IMPG1: variants seen among roughly 807,000 people sequenced by gnomAD.
IMPG1 encodes interphotoreceptor matrix proteoglycan of 150 kDa.
Under a neutral mutation model 92.0 loss-of-function variants are expected in IMPG1, and 85 were observed. The ratio of observed to expected loss-of-function variants is 0.92; its 90% CI spans 0.78 to 1.11. IMPG1 has a LOEUF of 1.11. IMPG1 is among the 50% of genes least tolerant of loss of function. The pLI, the probability that IMPG1 is intolerant of heterozygous loss-of-function variation, is 0.00. For synonymous variants in IMPG1, 367 were observed against 334.1 expected, an observed-to-expected ratio of 1.10 and a Z score of -1.08; for missense variants, 1,022 against 956.0, an observed-to-expected ratio of 1.07 and a Z score of -0.91.
At chr6:76,015,844 CATGCCCATTTGATG>C (rs1783277870) in intron 7 of IMPG1, among the ~76,000 whole-genome samples, 1 of 137,058 alleles carries the variant, frequency 7.3e-6, no homozygotes, top group Non-Finnish European at 1.6e-5. Context: ...AGACAAAAGA[CATGCCCATTTGATG>C]ATGATACAAT....
chr6:76,058,712 C>T (rs1038863967), intron 1 of IMPG1, among the ~76,000 whole-genome samples: 3 of 152,032 alleles, frequency 2.0e-5, no homozygotes, highest in Non-Finnish European at 4.4e-5. Context: ...GGCTAGGGGA[C>T]TAGTTTAGGG....
intron 16 of IMPG1, among the ~76,000 whole-genome samples, chr6:75,922,755 A>G (rs1286444837): frequency 6.6e-6 from 1 of 152,038 alleles, no homozygotes; most frequent in South Asian, 2.1e-4. Flanking sequence ...CTGTTTTTCC[A>G]ATTTTCTTTG....
At chr6:75,943,662 G>T (rs770133387) in intron 14 of IMPG1, among the ~76,000 whole-genome samples, 1 of 152,208 alleles carries the variant, frequency 6.6e-6, no homozygotes, top group South Asian at 2.1e-4. Context: ...CCCAGCCCTG[G>T]ACCTTAGTGG....
rs1185601252 is a variant in IMPG1 at position 76,018,813 on chromosome 6, G to A, written c.712C>T (p.Leu238Phe). 13 of 1,611,824 alleles carry A rather than the reference G, an allele frequency of 8.1e-6. No homozygotes were observed. The highest frequency in any genetic ancestry group is 3.3e-4 in the Middle Eastern group (2 of 6,078). ...FAVLEEQRVE[L>F]SVSLVNQKFK... Reference sequence around the variant, plus strand: ...TTCTGGTTTACCAGAGAGACGCTGAGCTCCACCCTCTGCTCCTCCAACACA... The same window carrying A: ...TTCTGGTTTACCAGAGAGACGCTGAACTCCACCCTCTGCTCCTCCAACACA... The change falls in exon 7 of 17, where the codon CTC becomes TTC. Residue 238 changes from leucine to phenylalanine, a missense_variant. Around this residue, in one of 3 missense-constraint regions of IMPG1, gnomAD observed 681 missense variants for 583.6 expected, o/e 1.17. Transcript: ENST00000369950.
intron 12 of IMPG1, among the ~76,000 whole-genome samples, chr6:75,962,224 C>T (rs1782222795): frequency 6.6e-6 from 1 of 152,050 alleles, no homozygotes; most frequent in South Asian, 2.1e-4. Flanking sequence ...GTCTCAAGCA[C>T]TCCTTCCTCC....
chr6:75,974,831 G>T (rs949719976), intron 12 of IMPG1, among the ~76,000 whole-genome samples: 15 of 151,926 alleles, frequency 9.9e-5, no homozygotes, highest in African/African-American at 3.4e-4. Context: ...TTTCTTAATT[G>T]CAACAAATAT....
chr6:76,026,331 G>A (rs978801137), intron 4 of IMPG1, among the ~76,000 whole-genome samples: 2 of 152,200 alleles, frequency 1.3e-5, no homozygotes, highest in African/African-American at 2.4e-5. Context: ...TCGAGAAGTG[G>A]TGAGTGAAAT....
At chr6:76,038,942 G>A (rs1182256978) in intron 2 of IMPG1, among the ~76,000 whole-genome samples, 2 of 152,242 alleles carry the variant, frequency 1.3e-5, no homozygotes, top group Non-Finnish European at 2.9e-5. Flanking sequence ...AATGGTATGT[G>A]AAAATGCACA....
At chr6:75,926,212 C>T (rs1781546845) in intron 15 of IMPG1, among the ~76,000 whole-genome samples, 2 of 152,136 alleles carry the variant, frequency 1.3e-5, no homozygotes, top group South Asian at 4.2e-4. Flanking sequence ...ATGTTCCAAG[C>T]GAACTGAGTT....
At chr6:76,034,454 A>G (rs1783700894) in intron 3 of IMPG1, 111 bp from the exon 4 acceptor site, 36 of 1,219,954 alleles carry the variant, frequency 3.0e-5, no homozygotes, top group Non-Finnish European at 4.0e-5. Flanking sequence ...ACCTGACTGT[A>G]CCATATTATT....
chr6:76,036,529 T>A (rs944337155), intron 2 of IMPG1, among the ~76,000 whole-genome samples: 2 of 152,248 alleles, frequency 1.3e-5, no homozygotes, highest in Non-Finnish European at 2.9e-5. Flanking sequence ...AGAAGAAATT[T>A]CTTTTTACAT....
intron 12 of IMPG1, among the ~76,000 whole-genome samples, chr6:75,977,892 C>A (rs369489479): frequency 1.3e-5 from 2 of 151,924 alleles, no homozygotes; most frequent in East Asian, 1.9e-4. Flanking sequence ...AAATTTTATA[C>A]CTTAAAAAGT....
intron 4 of IMPG1, among the ~76,000 whole-genome samples, chr6:76,029,626 A>G (rs1339050636): frequency 6.6e-6 from 1 of 152,180 alleles, no homozygotes; most frequent in East Asian, 1.9e-4. Flanking sequence ...AGGGATGGGT[A>G]ATGTAGAAAT....
intron 1 of IMPG1, among the ~76,000 whole-genome samples, chr6:76,063,504 C>T (rs1582138875): frequency 6.6e-6 from 1 of 152,154 alleles, no homozygotes; most frequent in African/African-American, 2.4e-5. Context: ...TCAGAGAGCT[C>T]CTCTGTCCTC....
intron 12 of IMPG1, among the ~76,000 whole-genome samples, chr6:75,987,565 G>A (rs926473248): frequency 1.3e-5 from 2 of 149,946 alleles, no homozygotes; most frequent in African/African-American, 4.9e-5. Flanking sequence ...GCGGTGTTTG[G>A]TTTTCTGTCC....
At chr6:76,028,013 G>A (rs1038139439) in intron 4 of IMPG1, among the ~76,000 whole-genome samples, 1 of 152,100 alleles carries the variant, frequency 6.6e-6, no homozygotes, top group Non-Finnish European at 1.5e-5. Flanking sequence ...ACATATTTAG[G>A]TACCTGGGAT....
intron 12 of IMPG1, among the ~76,000 whole-genome samples, chr6:75,957,305 T>A (rs963370873): frequency 4.6e-5 from 7 of 152,250 alleles, no homozygotes; most frequent in African/African-American, 1.7e-4. Flanking sequence ...CTTTTGCATT[T>A]GCTAAGGAGT....
At chr6:75,973,076 C>T (rs991631553) in intron 12 of IMPG1, among the ~76,000 whole-genome samples, 1 of 152,142 alleles carries the variant, frequency 6.6e-6, no homozygotes, top group African/African-American at 2.4e-5. Context: ...AGCTCGAGCT[C>T]GAGTGATCCT....
chr6:76,058,704 C>G (rs1292286644), intron 1 of IMPG1, among the ~76,000 whole-genome samples: 1 of 152,072 alleles, frequency 6.6e-6, no homozygotes, highest in Non-Finnish European at 1.5e-5. Flanking sequence ...GGAAATCTGG[C>G]TAGGGGACTA....
Sources: gnomAD v4.1 joint callset for allele counts (sites outside exome capture counted in the v4.1 genomes callset) on GRCh38, gnomAD v4.1.1 for gene constraint, gnomAD v4.1.1 regional missense constraint, MANE v1.5 for transcripts, NCBI Gene and HGNC (gene_info 2026-07-23, HGNC 2026-07-21) for gene names.